The following TUBGCP2 variants were observed in gnomAD, a reference collection of about 807,000 sequenced individuals.
TUBGCP2 encodes gamma-tubulin complex component 2.
A neutral mutation model predicts 92.2 loss-of-function variants in TUBGCP2; 55 were observed. That is an observed-to-expected ratio of 0.60 (90% CI 0.48 to 0.75). The LOEUF (loss-of-function observed/expected upper bound fraction) is 0.75. Among genes scored for constraint, TUBGCP2 ranks in the 30% least tolerant of loss-of-function variants. The probability of loss-of-function intolerance (pLI) is 0.00; values close to 1 mark genes in which losing one functional copy is unlikely to be tolerated. For synonymous variants in TUBGCP2, 533 were observed against 505.2 expected, an observed-to-expected ratio of 1.06 and a Z score of -0.74; for missense variants, 1,093 against 1,188.9, an observed-to-expected ratio of 0.92 and a Z score of 1.19.
In TUBGCP2 at chr10:133,285,753, A is replaced by G; in HGVS notation, c.1723-125T>C. On this transcript the variant is annotated intron_variant, in intron 11 of 17. Transcript: ENST00000252936. This position sits in a 1 kb window ranked among gnomAD's most constrained non-coding sequence, Gnocchi z 6.8. ...AAGGTTCCCTACATTCCGATTCTAAATATCAGAGGCTTTTCAAAAACCCAA... is the reference window on the plus strand; with the variant it reads ...AAGGTTCCCTACATTCCGATTCTAAGTATCAGAGGCTTTTCAAAAACCCAA... 1 of 931,416 alleles carries G rather than the reference A, an allele frequency of 1.1e-6. No homozygotes were observed. Among genetic ancestry groups the G allele is most frequent in the African/African-American group, 1.7e-5 (1 of 58,938 alleles). The allele number at this position is 931,416 out of a possible 1,614,324, so 57.7% of individuals were successfully genotyped here. A position where few individuals can be genotyped will look rare whatever the true frequency, so the allele number is the denominator to read the frequency against.
At position 133,285,463 on chromosome 10, in the gene TUBGCP2, T is replaced by C. The variant is rs1195152697; in HGVS notation, c.1888A>G (p.Ile630Val). The C allele has an allele frequency of 1.2e-6, 2 of 1,613,534 alleles. No homozygotes were observed. The highest frequency in any genetic ancestry group is 2.2e-5 in the South Asian group (2 of 91,070). ...YIVKWPLSLI[I>V]NRKALTRYQM... ...CGAGCAGCCGACCCGCACCTGTTGATGATGAGCGAAAGGGGCCACTTGACG... is the reference window on the plus strand; with the variant it reads ...CGAGCAGCCGACCCGCACCTGTTGACGATGAGCGAAAGGGGCCACTTGACG... The change falls in exon 12 of 18, where the codon ATC becomes GTC. Residue 630 changes from isoleucine (I) to valine (V), a missense_variant. Transcript: ENST00000252936. The surrounding 1 kb of genome is among the most constrained non-coding windows in gnomAD (Gnocchi z 6.8).
intron 5 of TUBGCP2, chr10:133,297,546 G>C (rs1338190543): frequency 2.7e-6 from 1 of 376,010 alleles, no homozygotes; most frequent in Non-Finnish European, 5.1e-6. Flanking sequence ...AGGCCTCTGA[G>C]AATACTGCTG....
At chr10:133,312,157 A>ACCTGTGCCGTCTGCGTTTC, upstream of TUBGCP2, 1 of 1,372,032 alleles carries the variant, frequency 7.3e-7, no homozygotes, top group Non-Finnish European at 9.5e-7. Flanking sequence ...GTCTGCCTTA[A>ACCTGTGCCGTCTGCGTTTC]TAGCATCACC....
rs200557003 is a variant in TUBGCP2 at position 133,285,137 on chromosome 10, C to G, written c.1972G>C (p.Val658Leu). The change falls in exon 13 of 18, where the codon GTC (valine) becomes CTC (leucine). Residue 658 changes from valine (V) to leucine (L), a missense_variant. Physicochemically the swap from Val to Leu is conservative, Grantham distance 32. This residue lies in a region of TUBGCP2 where 598 missense variants were observed against 675.5 expected (regional missense o/e 0.89). Transcript: ENST00000252936. The surrounding 1 kb of genome is among the most constrained non-coding windows in gnomAD (Gnocchi z 6.8). ...CKHVERQLCS[V>L]WISNKTAKQH... is the part of the protein sequence containing the mutation. Reference sequence around the variant, plus strand: ...TTGGCGGTTTTGTTGCTGATCCAGACGCTGCAGAGCTGCCGCTCCACGTGC... The same window carrying G: ...TTGGCGGTTTTGTTGCTGATCCAGAGGCTGCAGAGCTGCCGCTCCACGTGC... 1 of 1,612,942 alleles carries G rather than the reference C, an allele frequency of 6.2e-7. No individual in the cohort carries two copies. The highest frequency in any genetic ancestry group is 8.5e-7 in the Non-Finnish European group (1 of 1,179,536).
intron 6 of TUBGCP2, 25 bp from the exon 7 acceptor site, chr10:133,293,263 C>T (rs929102528): frequency 1.2e-6 from 2 of 1,609,902 alleles, no homozygotes; most frequent in Non-Finnish European, 1.7e-6. Flanking sequence ...GTCAGACTTC[C>T]TCAAAAAGGC....
rs1250533511 is a variant in TUBGCP2, at chr10:133,293,137, T to C, written c.926A>G (p.Gln309Arg). ...GCCCTGCCTGTGCAGCTGCTCCAGC[T>C]GTGACACCAGAATCAGGTGCTCCTT... ...LVKEHLILVSQLEQLHRQGLL... is the reference protein window; with the variant it reads ...LVKEHLILVSRLEQLHRQGLL... Residue 309 changes from glutamine to arginine, a missense_variant, in exon 7 of 18, where the codon CAG (glutamine) becomes CGG (arginine). Coordinates refer to ENST00000252936, the MANE Select transcript of TUBGCP2 (RefSeq NM_006659.4). The C allele has an allele frequency of 1.2e-6, 2 of 1,613,824 alleles. No individual in the cohort carries two copies. Among genetic ancestry groups the C allele is most frequent in the Non-Finnish European group, 1.7e-6 (2 of 1,180,040 alleles).
At chr10:133,310,591 C>T, upstream of TUBGCP2, 4 of 407,238 alleles carry the variant, frequency 9.8e-6, no homozygotes, top group South Asian at 9.6e-5. Context: ...TGGGCCATGC[C>T]TGTACCTCCT....
chr10:133,309,112 A>T (rs758882909), upstream of TUBGCP2: 17 of 1,322,638 alleles, frequency 1.3e-5, no homozygotes, highest in Admixed American at 3.6e-5. Flanking sequence ...TGAGCAAAAG[A>T]GGGAAAAAGT....
At chr10:133,282,407 A>AG (rs2136108307) in intron 15 of TUBGCP2, 65 bp from the exon 16 acceptor site, 2 of 1,520,276 alleles carry the variant, frequency 1.3e-6, no homozygotes, top group South Asian at 2.6e-5. Context: ...TGCAGAAAAA[A>AG]CAAGTCCTGC....
rs185727482 is a variant in TUBGCP2, at chr10:133,305,123, G to A, written c.-39-2143C>T. 1.1e-4 allele frequency among the ~76,000 whole-genome samples: 16 copies of A among 152,286 alleles called. No individual in the cohort carries two copies. The East Asian group carries it at 2.7e-3, about 26-fold the overall frequency. On this transcript the variant is annotated intron_variant, in intron 1 of 17. Transcript: ENST00000252936. ...CCCGCAGTTATCCGGAGGCCTGACT[G>A]TCTCCCTGTGATGCTGTGCTTCAGC... is the stretch of plus-strand genomic sequence containing the variant.
chr10:133,309,190 G>T (rs921266398), upstream of TUBGCP2: 1 of 1,379,642 alleles, frequency 7.2e-7, no homozygotes, highest in African/African-American at 1.5e-5. Flanking sequence ...AGGGGCCTAC[G>T]ACTGCGGGGC....
At chr10:133,281,458 G>A (rs372825760) in intron 16 of TUBGCP2, 22 bp from the exon 17 acceptor site, 47 of 1,607,082 alleles carry the variant, frequency 2.9e-5, no homozygotes, top group Non-Finnish European at 3.5e-5. Context: ...GCCGGGGTGC[G>A]TGAGCCATGC....
intron 2 of TUBGCP2, 76 bp from the exon 3 acceptor site, chr10:133,300,189 G>A (rs543118405): frequency 1.8e-5 from 28 of 1,539,560 alleles, no homozygotes; most frequent in Non-Finnish European, 2.5e-5. Context: ...TACGAAAATT[G>A]AACACAATAA....
At chr10:133,296,241 C>T (rs1159724988) in intron 5 of TUBGCP2, among the ~76,000 whole-genome samples, 5 of 152,186 alleles carry the variant, frequency 3.3e-5, no homozygotes, top group Non-Finnish European at 7.3e-5. Flanking sequence ...AAAGCCTGAA[C>T]ACCCCCTCAG....
chr10:133,292,734 C>T (rs932852652), intron 7 of TUBGCP2, 46 bp from the exon 8 acceptor site: 10 of 1,566,868 alleles, frequency 6.4e-6, no homozygotes, highest in Non-Finnish European at 8.7e-6. Flanking sequence ...AAGCGCACGC[C>T]CAGCCTCTGC....
In TUBGCP2 at chr10:133,296,169, G is replaced by A. The variant is rs41283327; in HGVS notation, c.616+1783C>T. ...TCAGAGCTGCCCACGGCGCCGCAGC[G>A]TTACTGGACAGTGCGTTCCTCTTTT... On this transcript the variant is annotated intron_variant, in intron 5 of 17. Transcript: ENST00000252936. 4.9e-3 allele frequency among the ~76,000 whole-genome samples: 751 copies of A among 152,348 alleles called. 5 individuals carry two copies. Among genetic ancestry groups the A allele is most frequent in the South Asian group, 0.014 (70 of 4,830 alleles).
At chr10:133,300,182 G>T in intron 2 of TUBGCP2, 69 bp from the exon 3 acceptor site, 1 of 1,557,638 alleles carries the variant, frequency 6.4e-7, no homozygotes, top group East Asian at 2.3e-5. Context: ...AAACCTTTAC[G>T]AAAATTGAAC....
At chr10:133,310,363 G>T, upstream of TUBGCP2, 1 of 1,581,050 alleles carries the variant, frequency 6.3e-7, no homozygotes, top group East Asian at 2.2e-5. Context: ...GGAATGCATA[G>T]ACGGTCAGAC....
chr10:133,310,422 C>A, upstream of TUBGCP2: 1 of 1,147,334 alleles, frequency 8.7e-7, no homozygotes, highest in Non-Finnish European at 1.2e-6. Flanking sequence ...CTGCAGGTAC[C>A]TGAAGCCCTG....
Sources: allele counts gnomAD v4.1 joint callset (sites outside exome capture counted in the v4.1 genomes callset), GRCh38; gene constraint gnomAD v4.1.1; regional missense constraint gnomAD v4.1.1; non-coding constraint Gnocchi (gnomAD v3.1); transcripts MANE v1.5; gene names NCBI Gene and HGNC (gene_info 2026-07-23, HGNC 2026-07-21).